ZNF609: variants seen among roughly 807,000 people sequenced by gnomAD.
ZNF609 encodes zinc finger protein 609.
Under a neutral mutation model 109.5 loss-of-function variants are expected in ZNF609, and 11 were observed. That is an observed-to-expected ratio of 0.10 (90% CI 0.06 to 0.17). The LOEUF (loss-of-function observed/expected upper bound fraction) is 0.17. Ranked by LOEUF, ZNF609 falls within the 10% of genes least tolerant of loss-of-function variation. The probability of loss-of-function intolerance (pLI) is 1.00; values close to 1 mark genes in which losing one functional copy is unlikely to be tolerated. For synonymous variants in ZNF609, 646 were observed against 662.0 expected (o/e 0.98, Z 0.37); for missense variants, 1,559 against 1,772.4 (o/e 0.88, Z 2.16).
intron 2 of ZNF609, chr15:64,528,617 G>A: frequency 2.6e-6 from 2 of 754,728 alleles, no homozygotes; most frequent in South Asian, 2.9e-5. Flanking sequence ...CCAGCAGTAA[G>A]AGCTTCTGTC....
rs1455207316 is a variant in ZNF609, at chr15:64,607,851, CT to C, written c.748-14973del. ...TCTTTCTTTCTTTCTTTCTTTCTTT[CT>C]TTCTTTCTTTCTTTCTTTCTTTCTT... On this transcript the variant is annotated intron_variant, in intron 2 of 9. Transcript: ENST00000326648. Among the ~76,000 whole-genome samples the C allele has an allele frequency of 5.9e-3, 90 of 15,354 alleles. 1 individual carries two copies. Among genetic ancestry groups the C allele is most frequent in the African/African-American group, 9.8e-3 (77 of 7,840 alleles). The allele number at this position is 15,354 out of a possible 152,430, so 10.1% of individuals were successfully genotyped here.
chr15:64,647,671 G>T (rs542749503), intron 3 of ZNF609, among the ~76,000 whole-genome samples: 2 of 152,136 alleles, frequency 1.3e-5, no homozygotes, highest in South Asian at 4.2e-4. Flanking sequence ...TGTTAAGGAT[G>T]TATCATAATG....
intron 2 of ZNF609, among the ~76,000 whole-genome samples, chr15:64,514,502 G>C (rs1184529156): frequency 3.3e-5 from 5 of 152,156 alleles, no homozygotes; most frequent in Non-Finnish European, 5.9e-5. Context: ...TAGCAGAGCT[G>C]TTCTCCTCTT....
chr15:64,609,747 G>T (rs1895686128), intron 2 of ZNF609, among the ~76,000 whole-genome samples: 1 of 151,082 alleles, frequency 6.6e-6, no homozygotes, highest in Non-Finnish European at 1.5e-5. Flanking sequence ...AAAAAATAAG[G>T]CCGGGTGTGG....
At position 64,680,271 on chromosome 15, in the gene ZNF609, C is replaced by T; in HGVS notation, c.3856C>T (p.Pro1286Ser). The change falls in exon 7 of 10, where the codon CCC (proline) becomes TCC (serine). Residue 1286 changes from proline (P) to serine (S), a missense_variant. By Grantham distance (74) the Pro-to-Ser change is moderately conservative (BLOSUM62 -1). This residue lies in a region of ZNF609 where 1,204 missense variants were observed against 1,314.1 expected (regional missense o/e 0.92). Transcript: ENST00000326648. ...GEDADKARASPSVTCKSSSES... is the reference protein window; with the variant it reads ...GEDADKARASSSVTCKSSSES... ...AGATGCTGACAAGGCACGAGCCAGC[C>T]CCAGTGTGACTTGTAAATCCAGCTC... 11 of 1,614,188 alleles carry T rather than the reference C, an allele frequency of 6.8e-6. No homozygotes were observed. The highest frequency in any genetic ancestry group is 9.3e-6 in the Non-Finnish European group (11 of 1,180,032).
intron 3 of ZNF609, among the ~76,000 whole-genome samples, chr15:64,660,682 C>T (rs1230888717): frequency 3.9e-5 from 6 of 152,148 alleles, no homozygotes. Context: ...CTCATTTATT[C>T]CACTACAGCC....
intron 2 of ZNF609, among the ~76,000 whole-genome samples, chr15:64,549,325 G>C (rs1894424388): frequency 6.6e-6 from 1 of 151,978 alleles, no homozygotes; most frequent in East Asian, 1.9e-4. Context: ...AGAGTAGCTG[G>C]GATTACAGGT....
chr15:64,575,562 A>T (rs1450029057), intron 2 of ZNF609, among the ~76,000 whole-genome samples: 1 of 152,190 alleles, frequency 6.6e-6, no homozygotes, highest in Non-Finnish European at 1.5e-5. Context: ...CTGTTTTCTT[A>T]GGGAGGTCAA....
At position 64,675,210 on chromosome 15, in the gene ZNF609, G is replaced by T; in HGVS notation, c.2356G>T (p.Ala786Ser). The change falls in exon 5 of 10, where the codon GCT becomes TCT. Residue 786 changes from alanine (A) to serine (S), a missense_variant. Transcript: ENST00000326648. ...GSSDPHQSRL[A>S]SIKAEADKIY... ...ATCAGACCCCCACCAAAGCCGACTG[G>T]CTAGCATCAAGGCTGAAGCCGACAA... 1 of 1,614,042 alleles carries T rather than the reference G, an allele frequency of 6.2e-7. No homozygotes were observed. The highest frequency in any genetic ancestry group is 8.5e-7 in the Non-Finnish European group (1 of 1,180,036).
upstream of ZNF609, among the ~76,000 whole-genome samples, chr15:64,460,455 G>T (rs921326662): frequency 2.6e-5 from 4 of 152,158 alleles, no homozygotes; most frequent in South Asian, 2.1e-4. Context: ...CGAGACCCAG[G>T]ATTTCGCTCC....
chr15:64,624,543 C>CT (rs1309854610), intron 3 of ZNF609, among the ~76,000 whole-genome samples: 1 of 151,930 alleles, frequency 6.6e-6, no homozygotes, highest in Non-Finnish European at 1.5e-5. Flanking sequence ...GAACAAGATG[C>CT]TTTTTTTATG....
chr15:64,536,705 C>A (rs1005879626), intron 2 of ZNF609, among the ~76,000 whole-genome samples: 1 of 139,182 alleles, frequency 7.2e-6, no homozygotes. Context: ...AGCAAGACCT[C>A]GTCTCTACTA....
At chr15:64,524,524 A>G (rs1893941496) in intron 2 of ZNF609, among the ~76,000 whole-genome samples, 1 of 148,996 alleles carries the variant, frequency 6.7e-6, no homozygotes, top group Non-Finnish European at 1.5e-5. Flanking sequence ...AGATTGCGTC[A>G]TTGCACTCCA....
At chr15:64,617,672 T>C (rs1895820213) in intron 2 of ZNF609, among the ~76,000 whole-genome samples, 1 of 152,024 alleles carries the variant, frequency 6.6e-6, no homozygotes, top group African/African-American at 2.4e-5. Context: ...CCCAGCTACT[T>C]GGGAGGCTGA....
chr15:64,503,881 G>A (rs950463789), intron 2 of ZNF609, among the ~76,000 whole-genome samples: 5 of 152,210 alleles, frequency 3.3e-5, no homozygotes, highest in African/African-American at 1.2e-4. Context: ...GATCATGCAT[G>A]CTATCATATC....
At chr15:64,530,808 A>C (rs1894050019) in intron 2 of ZNF609, among the ~76,000 whole-genome samples, 3 of 152,206 alleles carry the variant, frequency 2.0e-5, no homozygotes, top group Non-Finnish European at 4.4e-5. Context: ...TTTTCTATTA[A>C]AGTATACATA....
intron 2 of ZNF609, among the ~76,000 whole-genome samples, chr15:64,600,449 C>CAAAAAAAAAAAAAA (rs60948226): frequency 3.7e-5 from 2 of 53,806 alleles, no homozygotes; most frequent in Non-Finnish European, 7.4e-5. Flanking sequence ...GGCTGTGTCT[C>CAAAAAAAAAAAAAA]AAAAAAAAAA....
chr15:64,562,127 A>G (rs1421401490), intron 2 of ZNF609, among the ~76,000 whole-genome samples: 1 of 152,252 alleles, frequency 6.6e-6, no homozygotes, highest in East Asian at 1.9e-4. Context: ...TTTCAGTTCA[A>G]TCTTTACATT....
intron 1 of ZNF609, among the ~76,000 whole-genome samples, chr15:64,466,876 TG>T (rs1195753097): frequency 3.3e-5 from 5 of 152,068 alleles, no homozygotes; most frequent in Non-Finnish European, 7.4e-5. Context: ...CTCTAATTAC[TG>T]TAGCTATTAT....
Sources: gnomAD v4.1 joint callset for allele counts (sites outside exome capture counted in the v4.1 genomes callset) on GRCh38, gnomAD v4.1.1 for gene constraint, gnomAD v4.1.1 regional missense constraint, MANE v1.5 for transcripts, NCBI Gene and HGNC (gene_info 2026-07-23, HGNC 2026-07-21) for gene names.